The following LRRC14 variants were observed in gnomAD, a reference collection of about 807,000 sequenced individuals.
LRRC14 encodes the protein leucine rich repeat containing 14, also known as leucine-rich repeat-containing protein 14.
Under a neutral mutation model 25.3 loss-of-function variants are expected in LRRC14, and 16 were observed. The ratio of observed to expected loss-of-function variants is 0.63; its 90% CI spans 0.43 to 0.96. The LOEUF (loss-of-function observed/expected upper bound fraction) is 0.96, where lower values mean the gene tolerates loss of function less well. LRRC14 is among the 40% of genes least tolerant of loss of function. LRRC14 has a pLI of 0.00. For missense variants in LRRC14, 594 were observed against 660.5 expected, an observed-to-expected ratio of 0.90 and a Z score of 1.10; for synonymous variants, 359 against 295.1, an observed-to-expected ratio of 1.22 and a Z score of -2.22.
rs1297581802 is a variant in LRRC14 at position 144,523,238 on chromosome 8, G to A, written c.*1760G>A. ...CTCCAGCGGCTGCACGTGGACAGAG[G>A]GCGGAATGCAGATGAGGCTGCTGTG... On this transcript the variant is annotated 3_prime_UTR_variant, in exon 4 of 4. Transcript: ENST00000292524. The A allele has an allele frequency of 4.3e-6, 7 of 1,610,434 alleles. No homozygotes were observed. The highest frequency in any genetic ancestry group is 4.5e-5 in the East Asian group (2 of 44,750).
Position 144,523,783 on chromosome 8 carries a change from CCT to C in LRRC14, c.*2310_*2311del. ...TCCTCTCAGCCTTGCCTTTGGATGC[CCT>C]CTCTTGGGAATGTCCCCAGTCCTGG... On this transcript the variant is annotated 3_prime_UTR_variant, in exon 4 of 4. Transcript: ENST00000292524. 4.8e-6 allele frequency: 2 copies of C among 413,184 alleles called. No individual in the cohort carries two copies. Among genetic ancestry groups the C allele is most frequent in the Non-Finnish European group, 8.6e-6 (2 of 233,030 alleles). The allele number at this position is 413,184 out of a possible 1,614,324, so 25.6% of individuals were successfully genotyped here. A position where few individuals can be genotyped will look rare whatever the true frequency, so the allele number is the denominator to read the frequency against.
Position 144,522,110 on chromosome 8 carries a change from C to T in LRRC14, c.*632C>T, listed in dbSNP as rs1374495329. The T allele has an allele frequency of 7.4e-6, 2 of 271,636 alleles. No individual in the cohort carries two copies. The highest frequency in any genetic ancestry group is 1.4e-5 in the Non-Finnish European group (2 of 144,278). The allele number at this position is 271,636 out of a possible 1,614,324, so 16.8% of individuals were successfully genotyped here. ...CCCCAACATGGCCACCCGGCAACAA[C>T]TGCCATCCAGCCTGTCGCCCCGCCC... is the stretch of plus-strand genomic sequence containing the variant. On this transcript the variant is annotated 3_prime_UTR_variant, in exon 4 of 4. Transcript: ENST00000292524.
At position 144,519,725 on chromosome 8, in the gene LRRC14, C is replaced by T. The variant is rs890293262; in HGVS notation, c.-1C>T. ...GGTGGCCGTCTGCCCGGCCCAGCAC[C>T]ATGCACACGCTTGTGTTCTTGAGCA... On this transcript the variant is annotated 5_prime_UTR_variant, in exon 2 of 4. Coordinates refer to ENST00000292524, the MANE Select transcript of LRRC14 (RefSeq NM_014665.4). The T allele has an allele frequency of 6.2e-7, 1 of 1,609,646 alleles. No homozygotes were observed.
At position 144,521,142 on chromosome 8, in the gene LRRC14, G is replaced by A; in HGVS notation, c.1146G>A (p.Leu382=). ...AGTGTCAGCTCGCAGACACCCAGCT[G>A]TTGGCCACACTACCCATCCTGACTC... ...LTECQLADTQ[L]LATLPILTQC... The change falls in exon 4 of 4, where the codon CTG becomes CTA. Residue 382 remains leucine (L), a synonymous_variant. Transcript: ENST00000292524. 6.2e-7 allele frequency: 1 copy of A among 1,613,120 alleles called. No individual in the cohort carries two copies. Among genetic ancestry groups the A allele is most frequent in the South Asian group, 1.1e-5 (1 of 91,088 alleles).
rs138120881 is a variant in LRRC14, at chr8:144,520,373, C to T, written c.465C>T (p.Ala155=). Reference sequence around the variant, plus strand: ...GCATTGCCCAGCAGCAGGGTGGGGCCGCAGAGCCTGGGCCAGCCCCCATCC... The same window carrying T: ...GCATTGCCCAGCAGCAGGGTGGGGCTGCAGAGCCTGGGCCAGCCCCCATCC... ...RTCIAQQQGG[A]AEPGPAPIPV... Residue 155 remains alanine, a synonymous_variant, in exon 3 of 4, where the codon GCC becomes GCT. Transcript: ENST00000292524. The T allele has an allele frequency of 3.0e-4, 487 of 1,610,920 alleles. 4 individuals are homozygous for T. The African/African-American group carries it at 5.2e-3, about 17-fold the overall frequency.
Position 144,521,731 on chromosome 8 carries a change from G to T in LRRC14, c.*253G>T. 3.9e-6 allele frequency: 2 copies of T among 515,756 alleles called. No individual in the cohort carries two copies. Among genetic ancestry groups the T allele is most frequent in the Non-Finnish European group, 6.9e-6 (2 of 289,216 alleles). 31.9% of individuals were successfully genotyped at this position (515,756 alleles called of 1,614,324 possible). ...CTGGATGTCAGGCCTCCATTGCCCT[G>T]CTCAGTTTGGCTGCATTTGGCTGCC... On this transcript the variant is annotated 3_prime_UTR_variant, in exon 4 of 4. Coordinates refer to ENST00000292524, the MANE Select transcript of LRRC14 (RefSeq NM_014665.4).
Position 144,519,819 on chromosome 8 carries a change from C to T in LRRC14, c.94C>T (p.Pro32Ser), listed in dbSNP as rs1484130013. 1 of 1,613,450 alleles carries T rather than the reference C, an allele frequency of 6.2e-7. No individual in the cohort carries two copies. Among genetic ancestry groups the T allele is most frequent in the Non-Finnish European group, 8.5e-7 (1 of 1,180,012 alleles). Residue 32 changes from proline (P) to serine (S), a missense_variant, in exon 2 of 4, where the codon CCC becomes TCC. Pro to Ser is a moderately conservative substitution (Grantham distance 74). Transcript: ENST00000292524. ...GCCCTTGCTGCCACGCGAACTCTTC[C>T]CCCTGCTGTTCAAGGTGGCCTTCAT... The part of the protein sequence containing the change: ...ALPLLPRELF[P>S]LLFKVAFMDK...
chr8:144,522,353 C>A lies in LRRC14; in HGVS notation c.*875C>A, dbSNP rs950476418. The A allele has an allele frequency of 1.5e-6, 2 of 1,316,072 alleles. No individual in the cohort carries two copies. Among genetic ancestry groups the A allele is most frequent in the Middle Eastern group, 2.8e-4 (1 of 3,538 alleles). The allele number at this position is 1,316,072 out of a possible 1,614,324, so 81.5% of individuals were successfully genotyped here. A position where few individuals can be genotyped will look rare whatever the true frequency, so the allele number is the denominator to read the frequency against. ...CCCCAGGATTCCCGAGTGCAACGTT[C>A]CCGGCTCGCGCCCCACACACGGCTC... On this transcript the variant is annotated 3_prime_UTR_variant, in exon 4 of 4. Coordinates refer to ENST00000292524, the MANE Select transcript of LRRC14 (RefSeq NM_014665.4).
In LRRC14 at chr8:144,522,644, T is replaced by C. The variant is rs377237052; in HGVS notation, c.*1166T>C. 3.2e-6 allele frequency: 5 copies of C among 1,585,606 alleles called. No homozygotes were observed. In the African/African-American group the frequency reaches 4.1e-5, roughly 13 times the overall value. On this transcript the variant is annotated 3_prime_UTR_variant, in exon 4 of 4. Coordinates refer to ENST00000292524, the MANE Select transcript of LRRC14 (RefSeq NM_014665.4). ...GCGCTCGTCGCGGAGCTCCTCTAGC[T>C]GTGCGAACGTACAGGGGCCGTCCAA... is the stretch of plus-strand genomic sequence containing the variant.
In LRRC14 at chr8:144,524,656, C is replaced by T; in HGVS notation, c.*3178C>T. The T allele has an allele frequency of 2.7e-6, 4 of 1,496,058 alleles. No homozygotes were observed. The highest frequency in any genetic ancestry group is 1.8e-6 in the Non-Finnish European group (2 of 1,132,934). The allele number at this position is 1,496,058 out of a possible 1,614,324, so 92.7% of individuals were successfully genotyped here. A position where few individuals can be genotyped will look rare whatever the true frequency, so the allele number is the denominator to read the frequency against. ...TTGTGCAGGTAGAGCCGGCGCAGAGCGGCGAGTGGCGCCAGGGCTCCCGGC... is the reference window on the plus strand; with the variant it reads ...TTGTGCAGGTAGAGCCGGCGCAGAGTGGCGAGTGGCGCCAGGGCTCCCGGC... On this transcript the variant is annotated 3_prime_UTR_variant, in exon 4 of 4. Transcript: ENST00000292524.
chr8:144,522,841 G>A lies in LRRC14; in HGVS notation c.*1363G>A, dbSNP rs1229201853. 1.5e-5 allele frequency: 21 copies of A among 1,374,030 alleles called. No homozygotes were observed. Among genetic ancestry groups the A allele is most frequent in the Non-Finnish European group, 1.9e-5 (20 of 1,066,216 alleles). 85.1% of individuals were successfully genotyped at this position (1,374,030 alleles called of 1,614,324 possible). ...CGCCCAGGGCGCGGAAGGCCATGCT[G>A]CCCGCCTCGGGCCGGGGCTCGCTGC... On this transcript the variant is annotated 3_prime_UTR_variant, in exon 4 of 4. Transcript: ENST00000292524.
At position 144,520,659 on chromosome 8, in the gene LRRC14, G is replaced by A. The variant is rs1334227237; in HGVS notation, c.751G>A (p.Ala251Thr). 1 of 1,601,524 alleles carries A rather than the reference G, an allele frequency of 6.2e-7. No individual in the cohort carries two copies. Among genetic ancestry groups the A allele is most frequent in the Non-Finnish European group, 8.5e-7 (1 of 1,179,952 alleles). The stretch of plus-strand genomic sequence containing the variant: ...ACACGTGGCCCGCTTCCAGCACCTG[G>A]CCAGCCTGCGGCTCCACTATGTGCA... ...IPHVARFQHLASLRLHYVHGD... is the reference protein window; with the variant it reads ...IPHVARFQHLTSLRLHYVHGD... The change falls in exon 3 of 4, where the codon GCC (alanine) becomes ACC (threonine). Residue 251 changes from alanine to threonine, a missense_variant. Physicochemically the swap from Ala to Thr is moderately conservative, Grantham distance 58 (BLOSUM62 0). Transcript: ENST00000292524.
In LRRC14 at chr8:144,520,037, C is replaced by T; in HGVS notation, c.312C>T (p.Ser104=). 6.2e-7 allele frequency: 1 copy of T among 1,606,156 alleles called. No homozygotes were observed. Among genetic ancestry groups the T allele is most frequent in the South Asian group, 1.1e-5 (1 of 91,054 alleles). ...TCCACACCTCAGAGCCTGGGGCCAG[C>T]ACACAGCCCCTCTGCAGGTATGGAC... The part of the protein sequence containing the change: ...ARLHTSEPGA[S]TQPLCRKHAL... Residue 104 remains serine, a synonymous_variant, in exon 2 of 4, where the codon AGC becomes AGT. Coordinates refer to ENST00000292524, the MANE Select transcript of LRRC14 (RefSeq NM_014665.4).
Position 144,525,104 on chromosome 8 carries a change from C to T in LRRC14, c.*3626C>T, listed in dbSNP as rs1003751900. The T allele has an allele frequency of 2.3e-5, 24 of 1,031,154 alleles. No individual in the cohort carries two copies. Among genetic ancestry groups the T allele is most frequent in the Middle Eastern group, 3.3e-4 (1 of 2,988 alleles). The allele number at this position is 1,031,154 out of a possible 1,614,324, so 63.9% of individuals were successfully genotyped here. A position where few individuals can be genotyped will look rare whatever the true frequency, so the allele number is the denominator to read the frequency against. On this transcript the variant is annotated 3_prime_UTR_variant, in exon 4 of 4. Coordinates refer to ENST00000292524, the MANE Select transcript of LRRC14 (RefSeq NM_014665.4). Reference sequence around the variant, plus strand: ...CAATAGATGGAATGGAGGCCTGCACCTGCGTCTAACTTTTGACGCTATAAA... The same window carrying T: ...CAATAGATGGAATGGAGGCCTGCACTTGCGTCTAACTTTTGACGCTATAAA...
chr8:144,523,503 C>G lies in LRRC14; in HGVS notation c.*2025C>G. On this transcript the variant is annotated 3_prime_UTR_variant, in exon 4 of 4. Transcript: ENST00000292524. ...TGCAGGCCAGGACAGAGGCCTCTTT[C>G]CCACCTCCCACAGCGTTTTCACACG... is the stretch of plus-strand genomic sequence containing the variant. 1 of 1,434,650 alleles carries G rather than the reference C, an allele frequency of 7.0e-7. No homozygotes were observed. The highest frequency in any genetic ancestry group is 9.1e-7 in the Non-Finnish European group (1 of 1,103,214). The allele number at this position is 1,434,650 out of a possible 1,614,324, so 88.9% of individuals were successfully genotyped here. A position where few individuals can be genotyped will look rare whatever the true frequency, so the allele number is the denominator to read the frequency against.
chr8:144,522,296 G>A lies in LRRC14; in HGVS notation c.*818G>A, dbSNP rs569603087. The A allele has an allele frequency of 4.4e-6, 4 of 917,606 alleles. No homozygotes were observed. The highest frequency in any genetic ancestry group is 2.4e-5 in the South Asian group (1 of 41,542). The allele number at this position is 917,606 out of a possible 1,614,324, so 56.8% of individuals were successfully genotyped here. On this transcript the variant is annotated 3_prime_UTR_variant, in exon 4 of 4. Transcript: ENST00000292524. ...TTTTCGGAAGAGCTTCAAGGGAGGT[G>A]TTGGGGCCTCCCCGGCCACCTTCCA... is the stretch of plus-strand genomic sequence containing the variant.
rs1388120371 is a variant in LRRC14 at position 144,522,735 on chromosome 8, G to A, written c.*1257G>A. 4.4e-6 allele frequency: 7 copies of A among 1,590,996 alleles called. No homozygotes were observed. In the African/African-American group the frequency reaches 5.4e-5, roughly 12 times the overall value. ...CGCGCCTTTTTTCGCCTGCGGCGCC[G>A]GCGACAGATCATGGCGACCAGGAGC... On this transcript the variant is annotated 3_prime_UTR_variant, in exon 4 of 4. Transcript: ENST00000292524.
rs2130793807 is a variant in LRRC14, at chr8:144,524,031, A to G, written c.*2553A>G. ...GACTGCTGCCCAGTTGCCTGATGTCAGAGCCCCTCCACACATGAGCCTGCT... is the reference window on the plus strand; with the variant it reads ...GACTGCTGCCCAGTTGCCTGATGTCGGAGCCCCTCCACACATGAGCCTGCT... On this transcript the variant is annotated 3_prime_UTR_variant, in exon 4 of 4. Coordinates refer to ENST00000292524, the MANE Select transcript of LRRC14 (RefSeq NM_014665.4). 2 of 1,501,536 alleles carry G rather than the reference A, an allele frequency of 1.3e-6. No homozygotes were observed. The highest frequency in any genetic ancestry group is 1.8e-6 in the Non-Finnish European group (2 of 1,109,204). 93.0% of individuals were successfully genotyped at this position (1,501,536 alleles called of 1,614,324 possible).
In LRRC14 at chr8:144,523,337, A is replaced by G. The variant is rs1161953142; in HGVS notation, c.*1859A>G. On this transcript the variant is annotated 3_prime_UTR_variant, in exon 4 of 4. Transcript: ENST00000292524. Reference sequence around the variant, plus strand: ...CATGATCTTCCTGTCCCTGGAGGTGAGCAGCCGCTGGCCGCCCTCCTTGAT... The same window carrying G: ...CATGATCTTCCTGTCCCTGGAGGTGGGCAGCCGCTGGCCGCCCTCCTTGAT... 12 of 1,591,574 alleles carry G rather than the reference A, an allele frequency of 7.5e-6. No homozygotes were observed.
Sources: gnomAD v4.1 joint callset for allele counts on GRCh38, gnomAD v4.1.1 for gene constraint, MANE v1.5 for transcripts, NCBI Gene and HGNC (gene_info 2026-07-23, HGNC 2026-07-21) for gene names.